POLR2F: variants seen among roughly 807,000 people sequenced by gnomAD.
POLR2F encodes DNA-directed RNA polymerases I, II, and III subunit RPABC2.
Under a neutral mutation model 22.7 loss-of-function variants are expected in POLR2F, and 12 were observed. That is an observed-to-expected ratio of 0.53 (90% CI 0.34 to 0.86). The LOEUF (loss-of-function observed/expected upper bound fraction) is 0.86. Ranked by LOEUF, POLR2F falls within the 40% of genes least tolerant of loss-of-function variation. The pLI, the probability that POLR2F is intolerant of heterozygous loss-of-function variation, is 0.02. For synonymous variants in POLR2F, 57 were observed against 66.0 expected (o/e 0.86, Z 0.66); for missense variants, 126 against 171.5 (o/e 0.73, Z 1.48).
intron 5 of POLR2F, among the ~76,000 whole-genome samples, chr22:38,038,256 G>T (rs1214705406): frequency 6.6e-6 from 1 of 152,184 alleles, no homozygotes; most frequent in East Asian, 1.9e-4. Flanking sequence ...GGTGGCCCTG[G>T]AACCAGGACC....
At chr22:37,977,430 C>T (rs1469611635) in intron 4 of POLR2F, among the ~76,000 whole-genome samples, 2 of 151,842 alleles carry the variant, frequency 1.3e-5, no homozygotes, top group African/African-American at 4.8e-5. Context: ...ACGCCATCCT[C>T]CTGCCTCAGC....
intron 1 of POLR2F, among the ~76,000 whole-genome samples, chr22:38,000,835 G>A (rs2084762545): frequency 6.6e-6 from 1 of 152,210 alleles, no homozygotes; most frequent in Non-Finnish European, 1.5e-5. Context: ...TGTGGGCTCT[G>A]TCCCTGCCCT....
At chr22:37,995,378 G>C (rs1222214673) in intron 1 of POLR2F, among the ~76,000 whole-genome samples, 1 of 152,156 alleles carries the variant, frequency 6.6e-6, no homozygotes, top group Non-Finnish European at 1.5e-5. Flanking sequence ...GCGCTGCATG[G>C]AGAGTCCCCT....
chr22:37,973,254 T>C, downstream of POLR2F: 1 of 492,930 alleles, frequency 2.0e-6, no homozygotes, highest in South Asian at 3.9e-5. Flanking sequence ...TCAGTGTGGG[T>C]GCAACAGTCA....
At chr22:38,012,128 CT>C (rs1211830150) in intron 1 of POLR2F, among the ~76,000 whole-genome samples, 3 of 148,030 alleles carry the variant, frequency 2.0e-5, no homozygotes, top group East Asian at 2.0e-4. Context: ...GTCGCCTAGG[CT>C]GGAGTGCAGT....
At chr22:37,973,206 G>A (rs1328121768), downstream of POLR2F, 2 of 394,304 alleles carry the variant, frequency 5.1e-6, no homozygotes, top group Non-Finnish European at 9.1e-6. Context: ...TCCTGGGATA[G>A]AGGGTCATTC....
At chr22:37,991,093 A>G (rs968245744) in intron 1 of POLR2F, among the ~76,000 whole-genome samples, 26 of 152,290 alleles carry the variant, frequency 1.7e-4, no homozygotes, top group Non-Finnish European at 3.2e-4. Context: ...ACCAGCCTGG[A>G]CAACATAGTG....
intron 3 of POLR2F, among the ~76,000 whole-genome samples, chr22:37,960,520 C>T (rs926738983): frequency 1.3e-5 from 2 of 152,212 alleles, no homozygotes; most frequent in South Asian, 2.1e-4. Context: ...GCCTCAGCCT[C>T]CAGAGTAGCT....
chr22:38,022,106 G>A (rs2084964653), intron 1 of POLR2F, among the ~76,000 whole-genome samples: 1 of 144,326 alleles, frequency 6.9e-6, no homozygotes. Flanking sequence ...ACTCCAGCCT[G>A]GGTGACAGAG....
In POLR2F at chr22:37,967,130, G is replaced by T. The variant is rs764789503; in HGVS notation, c.253G>T (p.Gly85Trp). ...MCAPVMVELE[G>W]ETDPLLIAMK... The stretch of plus-strand genomic sequence containing the variant: ...TGCCCCTGTGATGGTGGAGCTGGAG[G>T]GGGAGACAGATCCTCTGCTCATTGC... Residue 85 changes from glycine (G) to tryptophan (W), a missense_variant, in exon 4 of 5, where the codon GGG becomes TGG. Gly to Trp is a radical substitution (Grantham distance 184). Coordinates refer to ENST00000442738, the MANE Select transcript of POLR2F (RefSeq NM_021974.5). 5 of 1,613,502 alleles carry T rather than the reference G, an allele frequency of 3.1e-6. No homozygotes were observed. Among genetic ancestry groups the T allele is most frequent in the South Asian group, 1.1e-5 (1 of 91,040 alleles).
intron 5 of POLR2F, among the ~76,000 whole-genome samples, chr22:38,038,416 T>C (rs545417760): frequency 6.6e-6 from 1 of 152,160 alleles, no homozygotes; most frequent in East Asian, 1.9e-4. Context: ...TCTGGCCGGG[T>C]CACAGGGCGG....
downstream of POLR2F, among the ~76,000 whole-genome samples, chr22:38,031,249 T>C (rs1410208557): frequency 1.3e-5 from 2 of 152,050 alleles, no homozygotes; most frequent in Non-Finnish European, 2.9e-5. This position sits in a 1 kb window ranked among gnomAD's most constrained non-coding sequence, Gnocchi z 4.1. Flanking sequence ...ATCTGTAAAA[T>C]GCGGACAGTA....
At chr22:38,041,196 G>T, downstream of POLR2F, 3 of 1,587,756 alleles carry the variant, frequency 1.9e-6, no homozygotes, top group Non-Finnish European at 2.6e-6. Context: ...CAAGGCGGCC[G>T]CCAGGGAAGG....
Position 37,956,101 on chromosome 22 carries a change from G to A in POLR2F, c.21-672G>A, listed in dbSNP as rs537458261. ...TTTTTGTTTTGCGGTGGCGGGGGGGGGTTTTGAGACGGAGTTTCACTCTTG... is the reference window on the plus strand; with the variant it reads ...TTTTTGTTTTGCGGTGGCGGGGGGGAGTTTTGAGACGGAGTTTCACTCTTG... On this transcript the variant is annotated intron_variant, in intron 1 of 4. Coordinates refer to ENST00000442738, the MANE Select transcript of POLR2F (RefSeq NM_021974.5). Among the ~76,000 whole-genome samples the A allele has an allele frequency of 6.0e-5, 9 of 151,186 alleles. 2 individuals are homozygous for A. The South Asian group carries it at 1.7e-3, about 28-fold the overall frequency.
intron 1 of POLR2F, among the ~76,000 whole-genome samples, chr22:37,990,524 T>G (rs1932703619): frequency 1.3e-5 from 2 of 152,228 alleles, no homozygotes; most frequent in South Asian, 2.1e-4. Flanking sequence ...GGAACTTCTG[T>G]GAATGTGTCC....
chr22:37,965,328 G>C (rs1931812927), intron 3 of POLR2F, among the ~76,000 whole-genome samples: 4 of 152,234 alleles, frequency 2.6e-5, no homozygotes. Context: ...TTGTTGGGTA[G>C]GTTTTGGATG....
chr22:38,010,602 GTTTTTTTT>G (rs1159353447), intron 1 of POLR2F, among the ~76,000 whole-genome samples: 9 of 60,888 alleles, frequency 1.5e-4, no homozygotes, highest in Admixed American at 1.0e-3. Flanking sequence ...AATTCCTTGT[GTTTTTTTT>G]TTTTTTTTTT....
intron 1 of POLR2F, among the ~76,000 whole-genome samples, chr22:38,010,828 G>A (rs2084865836): frequency 1.3e-5 from 2 of 152,016 alleles, no homozygotes; most frequent in South Asian, 4.1e-4. Context: ...TGCAGGCCAG[G>A]CTGGTCTCGA....
chr22:38,035,153 C>G lies in POLR2F; in HGVS notation c.453-5915C>G, dbSNP rs138460575. Among the ~76,000 whole-genome samples the G allele has an allele frequency of 5.0e-3, 763 of 152,234 alleles. 7 individuals are homozygous for G. The highest frequency in any genetic ancestry group is 0.018 in the African/African-American group (728 of 41,532). ...TCTCTCTCTCTCCCCCTGTGTGTGT[C>G]TCTCTCTCTCGGTCTCACACCCTTC... On this transcript the variant is annotated intron_variant, in intron 5 of 5. Coordinates refer to the POLR2F transcript ENST00000407936.
Sources: allele counts gnomAD v4.1 joint callset (sites outside exome capture counted in the v4.1 genomes callset), GRCh38; gene constraint gnomAD v4.1.1; non-coding constraint Gnocchi (gnomAD v3.1); transcripts MANE v1.5; gene names NCBI Gene and HGNC (gene_info 2026-07-23, HGNC 2026-07-21).